The following GNG2 variants were observed in gnomAD, a reference collection of about 807,000 sequenced individuals.
GNG2 encodes the protein G protein subunit gamma 2, also known as guanine nucleotide-binding protein G(I)/G(S)/G(O) subunit gamma-2.
A neutral mutation model predicts 5.5 loss-of-function variants in GNG2; 5 were observed. The ratio of observed to expected loss-of-function variants is 0.91; its 90% CI spans 0.48 to 1.92. The LOEUF is 1.92. Among genes scored for constraint, GNG2 ranks in the 30% most tolerant of loss-of-function variants. The pLI, the probability that GNG2 is intolerant of heterozygous loss-of-function variation, is 0.01. For synonymous variants in GNG2, 28 were observed against 32.0 expected (o/e 0.88, Z 0.42); for missense variants, 55 against 88.4 (o/e 0.62, Z 1.52).
chr14:51,960,415 ATTGTTATTTTAAC>A (rs1889534403), intron 3 of GNG2, among the ~76,000 whole-genome samples: 1 of 152,050 alleles, frequency 6.6e-6, no homozygotes, highest in Non-Finnish European at 1.5e-5. Context: ...AATATTAACA[ATTGTTATTTTAAC>A]AATATTCGTG....
At chr14:51,871,073 A>C (rs1408945169) in intron 1 of GNG2, among the ~76,000 whole-genome samples, 2 of 151,470 alleles carry the variant, frequency 1.3e-5, no homozygotes, top group Admixed American at 1.3e-4. Context: ...GAACCATATA[A>C]GAAAAATTGT....
chr14:51,962,172 T>C (rs1318576870), intron 3 of GNG2, among the ~76,000 whole-genome samples: 1 of 151,034 alleles, frequency 6.6e-6, no homozygotes, highest in African/African-American at 2.4e-5. Flanking sequence ...GACATGAGGG[T>C]CATTAGAATA....
At chr14:51,883,793 G>A (rs574939724) in intron 2 of GNG2, among the ~76,000 whole-genome samples, 1 of 151,896 alleles carries the variant, frequency 6.6e-6, no homozygotes, top group Non-Finnish European at 1.5e-5. Context: ...CACTATATCA[G>A]TTATATACTA....
At chr14:51,963,008 G>T (rs1173199265) in intron 3 of GNG2, among the ~76,000 whole-genome samples, 2 of 152,216 alleles carry the variant, frequency 1.3e-5, no homozygotes, top group African/African-American at 4.8e-5. Flanking sequence ...AGATGAGAAT[G>T]ATAATAGCTT....
intron 2 of GNG2, among the ~76,000 whole-genome samples, chr14:51,949,845 A>G (rs1043081479): frequency 6.6e-6 from 1 of 152,208 alleles, no homozygotes; most frequent in Non-Finnish European, 1.5e-5. Flanking sequence ...AAGGATAAGA[A>G]GAGAAATGAA....
At chr14:51,901,929 T>C (rs931852622) in intron 2 of GNG2, among the ~76,000 whole-genome samples, 1 of 127,290 alleles carries the variant, frequency 7.9e-6, no homozygotes, top group Non-Finnish European at 1.5e-5. Context: ...AGCTAGGTGA[T>C]AGCTACATCA....
At chr14:51,832,295 AAG>A (rs199517512) in intron 2 of GNG2, among the ~76,000 whole-genome samples, 35 of 144,358 alleles carry the variant, frequency 2.4e-4, no homozygotes, top group African/African-American at 8.8e-4. Context: ...AAAAAAAAAA[AAG>A]AAAAGAAAAA....
At chr14:51,965,461 T>G (rs1351652228) in intron 3 of GNG2, among the ~76,000 whole-genome samples, 1 of 152,160 alleles carries the variant, frequency 6.6e-6, no homozygotes, top group Non-Finnish European at 1.5e-5. Flanking sequence ...ATCCACGCTC[T>G]AATGTAGTAA....
chr14:51,917,610 C>A, intron 2 of GNG2: 1 of 284,692 alleles, frequency 3.5e-6, no homozygotes, highest in Non-Finnish European at 7.0e-6. Flanking sequence ...GTGTTGTTCC[C>A]TGAAAGTAAA....
At chr14:51,939,057 A>T (rs1888170207) in intron 2 of GNG2, among the ~76,000 whole-genome samples, 1 of 152,142 alleles carries the variant, frequency 6.6e-6, no homozygotes, top group South Asian at 2.1e-4. Context: ...AAACTAGTTC[A>T]TTATTTCTCT....
In GNG2 at chr14:51,919,115, G is replaced by A. The variant is rs1312843424; in HGVS notation, c.-29-31535G>A. Among the ~76,000 whole-genome samples, 12 of 152,038 alleles carry A rather than the reference G, an allele frequency of 7.9e-5. No individual in the cohort carries two copies. The South Asian group carries it at 2.3e-3, about 29-fold the overall frequency. On this transcript the variant is annotated intron_variant, in intron 2 of 3. Coordinates refer to ENST00000556766, the MANE Select transcript of GNG2 (RefSeq NM_053064.5). ...GCTGGCATTACAGGCATGAGCCACCGCGTCCGGCCTAGAAAACTTTTAATG... is the reference window on the plus strand; with the variant it reads ...GCTGGCATTACAGGCATGAGCCACCACGTCCGGCCTAGAAAACTTTTAATG...
intron 3 of GNG2, among the ~76,000 whole-genome samples, chr14:51,951,326 T>C (rs1201266211): frequency 2.0e-5 from 3 of 152,160 alleles, no homozygotes; most frequent in African/African-American, 7.2e-5. Context: ...TTTTTTCCTC[T>C]CCCTCCCCAG....
chr14:51,964,275 C>T (rs1334880793), intron 3 of GNG2, among the ~76,000 whole-genome samples: 1 of 152,208 alleles, frequency 6.6e-6, no homozygotes, highest in African/African-American at 2.4e-5. Flanking sequence ...AGGGACCAAC[C>T]AAGCTGATGC....
At chr14:51,964,095 G>C (rs535726697) in intron 3 of GNG2, among the ~76,000 whole-genome samples, 1 of 152,162 alleles carries the variant, frequency 6.6e-6, no homozygotes, top group Non-Finnish European at 1.5e-5. Context: ...TGGTCACACA[G>C]AGAGGAGAAT....
At chr14:51,857,425 C>T (rs1360208962), upstream of GNG2, among the ~76,000 whole-genome samples, 2 of 152,140 alleles carry the variant, frequency 1.3e-5, no homozygotes, top group East Asian at 3.9e-4. Context: ...GGACAGGTGA[C>T]ATCACAGAAG....
At chr14:51,837,843 T>C (rs924214441) in intron 2 of GNG2, among the ~76,000 whole-genome samples, 6 of 152,188 alleles carry the variant, frequency 3.9e-5, no homozygotes, top group Admixed American at 1.3e-4. Flanking sequence ...AGGGCAATAA[T>C]AGTGTAACCT....
chr14:51,870,360 T>G (rs1883220534), intron 1 of GNG2, among the ~76,000 whole-genome samples: 1 of 152,158 alleles, frequency 6.6e-6, no homozygotes, highest in Non-Finnish European at 1.5e-5. Context: ...AAGAATAACC[T>G]TCTAAACAAA....
intron 2 of GNG2, among the ~76,000 whole-genome samples, chr14:51,895,354 A>G (rs1030270707): frequency 7.9e-5 from 12 of 152,262 alleles, no homozygotes; most frequent in African/African-American, 2.7e-4. Flanking sequence ...AGCTAATAGA[A>G]TAAATAAATG....
At chr14:51,923,527 A>G (rs1439923950) in intron 2 of GNG2, among the ~76,000 whole-genome samples, 1 of 145,104 alleles carries the variant, frequency 6.9e-6, no homozygotes, top group Non-Finnish European at 1.5e-5. Flanking sequence ...ATATATGTGT[A>G]TATATATACA....
Sources: gnomAD v4.1 joint callset for allele counts (sites outside exome capture counted in the v4.1 genomes callset) on GRCh38, gnomAD v4.1.1 for gene constraint, MANE v1.5 for transcripts, NCBI Gene and HGNC (gene_info 2026-07-23, HGNC 2026-07-21) for gene names.